GRIP1: variants seen among roughly 807,000 people sequenced by gnomAD.
GRIP1 encodes glutamate receptor-interacting protein 1.
In GRIP1, 45 loss-of-function variants were observed where a neutral mutation model predicts 129.9. That is an observed-to-expected ratio of 0.35 (90% CI 0.27 to 0.44). GRIP1 has a LOEUF of 0.44. GRIP1 is among the 20% of genes least tolerant of loss of function. GRIP1 has a pLI of 1.00. For missense variants in GRIP1, 1,196 were observed against 1,396.8 expected (o/e 0.86, Z 2.29); for synonymous variants, 530 against 520.8 (o/e 1.02, Z -0.24).
intron 2 of GRIP1, among the ~76,000 whole-genome samples, chr12:66,581,959 G>T (rs1188068189): frequency 1.3e-5 from 2 of 152,134 alleles, no homozygotes; most frequent in Admixed American, 1.3e-4. Flanking sequence ...CGAAAAAAGA[G>T]AATTTTAGAC....
chr12:66,907,507 G>A (rs1033303838), intron 1 of GRIP1, among the ~76,000 whole-genome samples: 1 of 152,116 alleles, frequency 6.6e-6, no homozygotes. Context: ...TTAGCTAAAG[G>A]GCCAGGAAAG....
chr12:66,638,421 A>G (rs73127184), intron 1 of GRIP1, among the ~76,000 whole-genome samples: 23,607 of 152,182 alleles, frequency 0.16, 2,015 homozygotes, highest in Non-Finnish European at 0.18. Context: ...CAGGGTTACA[A>G]TGTGAGCAGG....
chr12:66,812,846 A>T (rs971256732), intron 1 of GRIP1, among the ~76,000 whole-genome samples: 7 of 152,234 alleles, frequency 4.6e-5, no homozygotes, highest in African/African-American at 1.7e-4. Flanking sequence ...AAGGCCCTTG[A>T]ATAATTTAAA....
chr12:66,955,204 G>C (rs2041820590), intron 1 of GRIP1, among the ~76,000 whole-genome samples: 1 of 152,150 alleles, frequency 6.6e-6, no homozygotes, highest in African/African-American at 2.4e-5. Flanking sequence ...ATCACCTTGA[G>C]GGCTTGTTAA....
chr12:66,672,764 T>C (rs2136240487), intron 1 of GRIP1, among the ~76,000 whole-genome samples: 1 of 152,268 alleles, frequency 6.6e-6, no homozygotes, highest in African/African-American at 2.4e-5. Flanking sequence ...CAGAATAAAG[T>C]GAATTTACTA....
At chr12:67,054,401 C>T (rs1327267926) in intron 1 of GRIP1, among the ~76,000 whole-genome samples, 2 of 152,094 alleles carry the variant, frequency 1.3e-5, no homozygotes, top group East Asian at 3.8e-4. Context: ...AAACAGCAGG[C>T]ATATAAAATA....
intron 1 of GRIP1, among the ~76,000 whole-genome samples, chr12:66,881,084 T>C (rs1309948733): frequency 1.3e-5 from 2 of 152,118 alleles, no homozygotes; most frequent in African/African-American, 2.4e-5. Flanking sequence ...TTTCCTTTCA[T>C]TTATTAATTT....
At chr12:66,471,651 C>T (rs973834509) in intron 7 of GRIP1, among the ~76,000 whole-genome samples, 1 of 152,182 alleles carries the variant, frequency 6.6e-6, no homozygotes, top group Non-Finnish European at 1.5e-5. Flanking sequence ...CTACTAGTCT[C>T]TATGGTGGAA....
chr12:66,632,880 A>C (rs1305985659), intron 1 of GRIP1, among the ~76,000 whole-genome samples: 1 of 152,158 alleles, frequency 6.6e-6, no homozygotes, highest in Non-Finnish European at 1.5e-5. Flanking sequence ...GGGACCTATA[A>C]TCCTTATGAA....
At chr12:66,450,261 G>A (rs111846026) in intron 11 of GRIP1, among the ~76,000 whole-genome samples, 11 of 119,132 alleles carry the variant, frequency 9.2e-5, no homozygotes, top group African/African-American at 2.3e-4. Flanking sequence ...CGGAGATCTC[G>A]CCACTGCACT....
At chr12:66,808,526 T>C (rs1464596074), upstream of GRIP1, among the ~76,000 whole-genome samples, 1 of 152,156 alleles carries the variant, frequency 6.6e-6, no homozygotes, top group Admixed American at 6.5e-5. Context: ...CTCAAACTCC[T>C]GACCTTGTGA....
At chr12:66,905,164 TTG>T (rs1288394028) in intron 1 of GRIP1, among the ~76,000 whole-genome samples, 1 of 152,218 alleles carries the variant, frequency 6.6e-6, no homozygotes, top group Non-Finnish European at 1.5e-5. Context: ...TGGAGGCTGT[TTG>T]TGTTTCCTTT....
chr12:66,785,239 G>A (rs182280469), intron 1 of GRIP1, among the ~76,000 whole-genome samples: 2 of 150,432 alleles, frequency 1.3e-5, no homozygotes, highest in Non-Finnish European at 3.0e-5. Flanking sequence ...TGGGCAGATC[G>A]CTTGAGCTCA....
At chr12:66,569,055 G>T in intron 2 of GRIP1, 1 of 293,942 alleles carries the variant, frequency 3.4e-6, no homozygotes, top group Non-Finnish European at 6.7e-6. Context: ...TCAACACAGT[G>T]CAGTGTTTCA....
intron 1 of GRIP1, among the ~76,000 whole-genome samples, chr12:66,719,694 T>C (rs1036682372): frequency 2.6e-5 from 4 of 152,226 alleles, no homozygotes; most frequent in Admixed American, 2.0e-4. Flanking sequence ...CTGAACACTT[T>C]TGGCCATGAG....
chr12:66,911,668 A>G (rs2041031755), intron 1 of GRIP1, among the ~76,000 whole-genome samples: 1 of 152,214 alleles, frequency 6.6e-6, no homozygotes, highest in Non-Finnish European at 1.5e-5. Flanking sequence ...ATATAATAAA[A>G]TATAACCACA....
intron 1 of GRIP1, among the ~76,000 whole-genome samples, chr12:66,979,329 C>G (rs535419671): frequency 7.2e-6 from 1 of 138,902 alleles, no homozygotes; most frequent in South Asian, 2.5e-4. Flanking sequence ...TGAATTCACA[C>G]ATTTTGGCAA....
chr12:66,855,959 CAG>C lies in GRIP1; in HGVS notation c.58+213089_58+213090del, dbSNP rs201370114. ...AAGACCTGTTTAACCTTATTTAAAT[CAG>C]AGTTTTTCTAAATAATAAAAATTAA... is the stretch of plus-strand genomic sequence containing the variant. On this transcript the variant is annotated intron_variant, in intron 1 of 1. Coordinates refer to the GRIP1 transcript ENST00000643019. Among the ~76,000 whole-genome samples the C allele has an allele frequency of 5.5e-3, 761 of 137,256 alleles. 5 individuals are homozygous for C. The highest frequency in any genetic ancestry group is 0.018 in the African/African-American group (713 of 40,422). 90.0% of individuals were successfully genotyped at this position (137,256 alleles called of 152,430 possible).
intron 1 of GRIP1, among the ~76,000 whole-genome samples, chr12:66,986,483 G>T (rs1207469966): frequency 5.4e-5 from 8 of 148,864 alleles, no homozygotes; most frequent in Non-Finnish European, 1.2e-4. Flanking sequence ...ATACACCATG[G>T]AATACTATGC....
Sources: gnomAD v4.1 joint callset for allele counts (sites outside exome capture counted in the v4.1 genomes callset) on GRCh38, gnomAD v4.1.1 for gene constraint, MANE v1.5 for transcripts, NCBI Gene and HGNC (gene_info 2026-07-23, HGNC 2026-07-21) for gene names.